Variants in AGTPBP1 observed in about 807,000 individuals in gnomAD.
The protein encoded by AGTPBP1 is ATP/GTP binding carboxypeptidase 1.
In AGTPBP1, 70 loss-of-function variants were observed where a neutral mutation model predicts 143.9. The observed-to-expected ratio is 0.49, with a 90% CI of 0.40 to 0.59. The LOEUF is 0.59. Ranked by LOEUF, AGTPBP1 falls within the 20% of genes least tolerant of loss-of-function variation. The pLI, the probability that AGTPBP1 is intolerant of heterozygous loss-of-function variation, is 0.00. For synonymous variants in AGTPBP1, 463 were observed against 500.2 expected (o/e 0.93, Z 0.99); for missense variants, 1,229 against 1,464.5 (o/e 0.84, Z 2.62).
chr9:85,636,322 C>A (rs994386013), intron 13 of AGTPBP1, among the ~76,000 whole-genome samples: 1 of 135,752 alleles, frequency 7.4e-6, no homozygotes, highest in Admixed American at 8.2e-5. Context: ...AGTGCAGTGG[C>A]GCAATCTCAG....
chr9:85,546,954 A>G lies in AGTPBP1; in HGVS notation c.*155T>C, dbSNP rs1204661066. On this transcript the variant is annotated 3_prime_UTR_variant, in exon 26 of 26. Coordinates refer to ENST00000357081, the MANE Select transcript of AGTPBP1 (RefSeq NM_001330701.2). ...CAAGCGCCAATTTTATCATTAATTA[A>G]TAACACATTTATTATCTTGAAACCA... 9.9e-6 allele frequency: 6 copies of G among 606,658 alleles called. No homozygotes were observed. In the Admixed American group the frequency reaches 1.6e-4, roughly 16 times the overall value. 37.6% of individuals were successfully genotyped at this position (606,658 alleles called of 1,614,324 possible).
chr9:85,693,143 C>T (rs1008875831), intron 2 of AGTPBP1, among the ~76,000 whole-genome samples: 1 of 152,188 alleles, frequency 6.6e-6, no homozygotes, highest in African/African-American at 2.4e-5. Flanking sequence ...CTCCTCAAAA[C>T]TCTGATAATC....
At chr9:85,724,938 C>A (rs1054101684) in intron 1 of AGTPBP1, among the ~76,000 whole-genome samples, 1 of 151,992 alleles carries the variant, frequency 6.6e-6, no homozygotes, top group Admixed American at 6.6e-5. Context: ...TTTAAAAATC[C>A]AGTAATATGG....
intron 6 of AGTPBP1, among the ~76,000 whole-genome samples, chr9:85,676,259 G>C (rs950924726): frequency 6.6e-6 from 1 of 151,978 alleles, no homozygotes; most frequent in Non-Finnish European, 1.5e-5. Context: ...AAAGTGAAGA[G>C]ATAACCTACA....
chr9:85,598,997 C>T (rs545311474), intron 17 of AGTPBP1, among the ~76,000 whole-genome samples: 85 of 152,336 alleles, frequency 5.6e-4, no homozygotes, highest in African/African-American at 1.9e-3. Flanking sequence ...GCTGGGATTA[C>T]AGGCGTGAGC....
chr9:85,615,240 T>C (rs985276727), intron 17 of AGTPBP1, among the ~76,000 whole-genome samples: 7 of 152,088 alleles, frequency 4.6e-5, no homozygotes, highest in African/African-American at 1.7e-4. Context: ...ACTAATTTAA[T>C]ACTTCACCAG....
intron 8 of AGTPBP1, among the ~76,000 whole-genome samples, chr9:85,663,365 C>T (rs11141059): frequency 0.24 from 36,953 of 151,846 alleles, 5,043 homozygotes; most frequent in East Asian, 0.51. Flanking sequence ...GTAGAGTGCT[C>T]GGAAGGATTC....
chr9:85,674,383 G>A (rs981677840), intron 6 of AGTPBP1, among the ~76,000 whole-genome samples: 16 of 151,590 alleles, frequency 1.1e-4, no homozygotes, highest in Non-Finnish European at 2.9e-5. Context: ...AAACTTAAAA[G>A]GGATATTAAA....
intron 23 of AGTPBP1, among the ~76,000 whole-genome samples, chr9:85,579,429 T>C (rs974184859): frequency 1.3e-5 from 2 of 152,136 alleles, no homozygotes; most frequent in African/African-American, 4.8e-5. Flanking sequence ...AAAAGACTAA[T>C]TGAGATATTT....
chr9:85,758,752 A>G, the AGTPBP1 span, among the ~76,000 whole-genome samples: 1 of 152,252 alleles, frequency 6.6e-6, no homozygotes, highest in Admixed American at 6.5e-5. Flanking sequence ...AGATAAATTC[A>G]GAAAGCCCAA....
chr9:85,804,497 GTTTT>G, the AGTPBP1 span, among the ~76,000 whole-genome samples: 223 of 152,302 alleles, frequency 1.5e-3, 4 homozygotes, highest in East Asian at 0.022. Flanking sequence ...TTTATTGTCT[GTTTT>G]ATCTTTGTTT....
chr9:85,547,038 C>A lies in AGTPBP1; in HGVS notation c.*71G>T. 1 of 1,468,254 alleles carries A rather than the reference C, an allele frequency of 6.8e-7. No individual in the cohort carries two copies. Among genetic ancestry groups the A allele is most frequent in the Non-Finnish European group, 9.0e-7 (1 of 1,105,626 alleles). 91.0% of individuals were successfully genotyped at this position (1,468,254 alleles called of 1,614,324 possible). A position where few individuals can be genotyped will look rare whatever the true frequency, so the allele number is the denominator to read the frequency against. On this transcript the variant is annotated 3_prime_UTR_variant, in exon 26 of 26. Transcript: ENST00000357081. ...CAGCTCTGTATAAACTCATTTCTCT[C>A]AAGCTTCCTGGGAAATAAAAACCAA...
At chr9:85,757,912 A>G in the AGTPBP1 span, among the ~76,000 whole-genome samples, 13 of 152,250 alleles carry the variant, frequency 8.5e-5, no homozygotes, top group Admixed American at 2.6e-4. Context: ...AAAAACTCCA[A>G]GTAGGGAATG....
At chr9:85,738,908 C>G (rs1485842255) in intron 1 of AGTPBP1, among the ~76,000 whole-genome samples, 2 of 151,258 alleles carry the variant, frequency 1.3e-5, no homozygotes, top group Non-Finnish European at 2.9e-5. Flanking sequence ...GGAAGAGCAA[C>G]GGTAATAATA....
At chr9:85,741,159 G>A (rs1824236544) in intron 1 of AGTPBP1, 1 of 942,600 alleles carries the variant, frequency 1.1e-6, no homozygotes. Context: ...ATCTGATTCA[G>A]GTTCAAACCA....
intron 1 of AGTPBP1, among the ~76,000 whole-genome samples, chr9:85,725,816 C>T (rs970328843): frequency 1.1e-4 from 16 of 151,842 alleles, no homozygotes; most frequent in Non-Finnish European, 2.1e-4. Context: ...GAGGCCAAGG[C>T]GGGCGAATCA....
chr9:85,619,164 A>G, intron 16 of AGTPBP1, 33 bp from the exon 17 acceptor site: 2 of 1,610,766 alleles, frequency 1.2e-6, no homozygotes, highest in Non-Finnish European at 1.7e-6. Flanking sequence ...TCTGATGAAA[A>G]TTAGGAAATA....
At chr9:85,748,359 T>C in the AGTPBP1 span, among the ~76,000 whole-genome samples, 7,824 of 152,224 alleles carry the variant, frequency 0.051, 351 homozygotes, top group African/African-American at 0.12. Context: ...AATGTGGGAG[T>C]TCCTCATGGC....
intron 20 of AGTPBP1, 51 bp from the exon 21 acceptor site, chr9:85,588,529 G>T (rs749790931): frequency 1.3e-6 from 2 of 1,566,590 alleles, no homozygotes; most frequent in South Asian, 1.2e-5. Flanking sequence ...CTAAAAGTTT[G>T]TATATTTTAC....
Sources: gnomAD v4.1 joint callset for allele counts (sites outside exome capture counted in the v4.1 genomes callset) on GRCh38, gnomAD v4.1.1 for gene constraint, MANE v1.5 for transcripts, NCBI Gene and HGNC (gene_info 2026-07-23, HGNC 2026-07-21) for gene names.